Variants in LNPEP observed in about 807,000 individuals in gnomAD.
LNPEP encodes the protein leucyl-cystinyl aminopeptidase.
LNPEP carries 64 observed loss-of-function variants against 120.6 expected under a neutral mutation model. That is an observed-to-expected ratio of 0.53 (90% CI 0.43 to 0.65). The LOEUF (loss-of-function observed/expected upper bound fraction) is 0.65. LNPEP is among the 30% of genes least tolerant of loss of function. The pLI, the probability that LNPEP is intolerant of heterozygous loss-of-function variation, is 0.00. For missense variants in LNPEP, 1,057 were observed against 1,200.0 expected (o/e 0.88, Z 1.76); for synonymous variants, 435 against 425.4 (o/e 1.02, Z -0.28).
chr5:96,992,541 G>GACT (rs1790413514), intron 4 of LNPEP, among the ~76,000 whole-genome samples: 1 of 152,230 alleles, frequency 6.6e-6, no homozygotes, highest in South Asian at 2.1e-4. Context: ...CATAAGATGT[G>GACT]ACTCCTCAGT....
intron 13 of LNPEP, among the ~76,000 whole-genome samples, chr5:97,015,539 GAT>G (rs1791046346): frequency 6.6e-6 from 1 of 152,082 alleles, no homozygotes; most frequent in Non-Finnish European, 1.5e-5. Flanking sequence ...GATGCTGGTG[GAT>G]ATGTTTCTTT....
At chr5:97,010,467 GAGA>G (rs1790899368) in intron 11 of LNPEP, 2 of 985,254 alleles carry the variant, frequency 2.0e-6, no homozygotes, top group Admixed American at 1.2e-4. Flanking sequence ...AGGGGTATTA[GAGA>G]AGGGAATGCT....
intron 1 of LNPEP, among the ~76,000 whole-genome samples, chr5:96,964,390 A>C (rs1224470804): frequency 1.3e-5 from 2 of 151,570 alleles, no homozygotes; most frequent in East Asian, 3.9e-4. Flanking sequence ...CATACCGACA[A>C]CTCCACCTCT....
chr5:96,995,990 A>G (rs908616021), intron 6 of LNPEP: 1 of 158,670 alleles, frequency 6.3e-6, no homozygotes, highest in African/African-American at 2.4e-5. Context: ...TGTAGATACA[A>G]TGGAAAATAA....
chr5:96,968,874 G>C (rs148352577), intron 1 of LNPEP, among the ~76,000 whole-genome samples: 1 of 152,022 alleles, frequency 6.6e-6, no homozygotes, highest in Non-Finnish European at 1.5e-5. Flanking sequence ...GGCACTGTGC[G>C]TGGTTGTATG....
chr5:96,942,232 C>T (rs892085691), intron 1 of LNPEP: 12 of 152,082 alleles, frequency 7.9e-5, no homozygotes, highest in African/African-American at 2.9e-4. Context: ...TGATAAACAA[C>T]GTGGTGTGGA....
chr5:96,973,619 A>G (rs934382745), intron 1 of LNPEP, among the ~76,000 whole-genome samples: 4 of 152,146 alleles, frequency 2.6e-5, no homozygotes, highest in Admixed American at 6.6e-5. Flanking sequence ...GATTTAAAGT[A>G]TGTGGGAGGA....
chr5:96,991,190 A>G (rs952061897), intron 4 of LNPEP, among the ~76,000 whole-genome samples: 1 of 152,188 alleles, frequency 6.6e-6, no homozygotes, highest in Non-Finnish European at 1.5e-5. Flanking sequence ...GAGTTACTTT[A>G]CTTAGAATAA....
intron 1 of LNPEP, among the ~76,000 whole-genome samples, chr5:96,948,915 T>C (rs999544519): frequency 6.6e-6 from 1 of 152,240 alleles, no homozygotes; most frequent in Non-Finnish European, 1.5e-5. Flanking sequence ...AAATCCTGGC[T>C]CTTTATTCAC....
rs1791421227 is a variant in LNPEP, at chr5:97,029,127, G to GT, written c.*601dup. 6.6e-6 allele frequency: 1 copy of GT among 152,152 alleles called. No homozygotes were observed. The highest frequency in any genetic ancestry group is 6.5e-5 in the Admixed American group (1 of 15,268). The allele number at this position is 152,152 out of a possible 1,614,324, so 9.4% of individuals were successfully genotyped here. A position where few individuals can be genotyped will look rare whatever the true frequency, so the allele number is the denominator to read the frequency against. On this transcript the variant is annotated 3_prime_UTR_variant, in exon 18 of 18. Transcript: ENST00000231368. The stretch of plus-strand genomic sequence containing the variant: ...TTTAAATAATGTCTGTAACTATTGT[G>GT]TTTTTTTCCTGCCGAATAGCCAGGT...
chr5:96,996,005 A>G (rs891528729), intron 6 of LNPEP: 9 of 160,326 alleles, frequency 5.6e-5, no homozygotes, highest in Non-Finnish European at 8.1e-5. Context: ...AAATAATCTT[A>G]CTAACTTGAT....
intron 1 of LNPEP, among the ~76,000 whole-genome samples, chr5:96,964,279 T>G (rs75202025): frequency 0.038 from 5,706 of 152,046 alleles, 185 homozygotes; most frequent in Middle Eastern, 0.11. Flanking sequence ...TTTGTTAATT[T>G]ATTAAGATCT....
At chr5:96,984,791 C>T (rs10044354) in intron 2 of LNPEP, among the ~76,000 whole-genome samples, 61,889 of 152,022 alleles carry the variant, frequency 0.41, 12,685 homozygotes, top group Non-Finnish European at 0.43. Flanking sequence ...TTCAAATACT[C>T]ATCTTTTTAG....
chr5:97,021,936 T>G (rs1160825360), intron 13 of LNPEP, among the ~76,000 whole-genome samples: 3 of 138,220 alleles, frequency 2.2e-5, no homozygotes, highest in East Asian at 2.0e-4. Context: ...TTTTTTTTTT[T>G]TTTTTTTTTT....
chr5:97,007,258 A>G (rs1432957751), intron 11 of LNPEP, among the ~76,000 whole-genome samples: 3 of 152,168 alleles, frequency 2.0e-5, no homozygotes, highest in African/African-American at 2.4e-5. Flanking sequence ...GTCAAAGCCT[A>G]TATTTTTGAG....
intron 3 of LNPEP, among the ~76,000 whole-genome samples, chr5:96,986,121 C>T (rs1441240666): frequency 6.6e-6 from 1 of 152,122 alleles, no homozygotes; most frequent in African/African-American, 2.4e-5. Flanking sequence ...CATGGCACCC[C>T]ATGAAGCCAT....
chr5:97,010,555 T>C (rs1790901470), intron 11 of LNPEP: 1 of 985,098 alleles, frequency 1.0e-6, no homozygotes, highest in African/African-American at 1.7e-5. Flanking sequence ...GGAAATTTTG[T>C]AACTTTGTAG....
intron 13 of LNPEP, among the ~76,000 whole-genome samples, chr5:97,018,497 T>C (rs1017436663): frequency 6.6e-6 from 1 of 152,098 alleles, no homozygotes; most frequent in African/African-American, 2.4e-5. Flanking sequence ...AGTATGTGTT[T>C]CCAAGATTGG....
At chr5:97,026,872 C>T in intron 16 of LNPEP, 115 bp downstream of exon 16, 1 of 796,002 alleles carries the variant, frequency 1.3e-6, no homozygotes, top group Non-Finnish European at 2.0e-6. Context: ...AAAAATACTT[C>T]CATGACAGTT....
Sources: allele counts gnomAD v4.1 joint callset (sites outside exome capture counted in the v4.1 genomes callset), GRCh38; gene constraint gnomAD v4.1.1; transcripts MANE v1.5; gene names NCBI Gene and HGNC (gene_info 2026-07-23, HGNC 2026-07-21).